Variants in CTNNA3 observed in about 807,000 individuals in gnomAD.
CTNNA3 encodes catenin alpha 3, also known as catenin alpha-3.
Under a neutral mutation model 95.7 loss-of-function variants are expected in CTNNA3, and 76 were observed. That is an observed-to-expected ratio of 0.79 (90% CI 0.66 to 0.96). CTNNA3 has a LOEUF of 0.96. CTNNA3 is among the 40% of genes least tolerant of loss of function. CTNNA3 has a pLI of 0.00. For synonymous variants in CTNNA3, 431 were observed against 374.4 expected, an observed-to-expected ratio of 1.15 and a Z score of -1.74; for missense variants, 1,191 against 1,089.8, an observed-to-expected ratio of 1.09 and a Z score of -1.31.
chr10:67,314,973 TG>T (rs1202472932), intron 5 of CTNNA3, among the ~76,000 whole-genome samples: 1 of 152,204 alleles, frequency 6.6e-6, no homozygotes, highest in Non-Finnish European at 1.5e-5. Context: ...CTGGTCACTT[TG>T]TCCTTGAGAT....
chr10:66,926,811 G>A, intron 7 of CTNNA3: 1 of 1,028,848 alleles, frequency 9.7e-7, no homozygotes, highest in East Asian at 2.6e-5. Flanking sequence ...GATGTTAAGT[G>A]TTATTTAGAT....
chr10:66,904,164 C>T lies in CTNNA3; in HGVS notation c.1048-128640G>A, dbSNP rs143801966. 1.1e-4 allele frequency among the ~76,000 whole-genome samples: 16 copies of T among 152,144 alleles called. No homozygotes were observed. The East Asian group carries it at 3.1e-3, about 29-fold the overall frequency. On this transcript the variant is annotated intron_variant, in intron 7 of 17. Transcript: ENST00000433211. The stretch of plus-strand genomic sequence containing the variant: ...AACCAAAACAGCATGGTACTGGTAC[C>T]AAAACAGATATATAGACCAATGGAA...
chr10:66,736,932 A>T (rs540047185), intron 9 of CTNNA3, among the ~76,000 whole-genome samples: 1 of 152,274 alleles, frequency 6.6e-6, no homozygotes, highest in Admixed American at 6.5e-5. Flanking sequence ...AATGTTTTAA[A>T]CTTAATCTGA....
intron 1 of CTNNA3, among the ~76,000 whole-genome samples, chr10:67,736,109 C>T (rs900748961): frequency 6.6e-6 from 1 of 151,868 alleles, no homozygotes; most frequent in East Asian, 1.9e-4. Flanking sequence ...TATTATTTAG[C>T]CAAAAAAAGA....
intron 12 of CTNNA3, among the ~76,000 whole-genome samples, chr10:66,314,775 A>T (rs1297901578): frequency 5.3e-5 from 8 of 152,144 alleles, no homozygotes. Context: ...ATTGAACACA[A>T]TACTTATAAA....
At chr10:67,506,789 T>C (rs952408170) in intron 5 of CTNNA3, among the ~76,000 whole-genome samples, 42 of 152,180 alleles carry the variant, frequency 2.8e-4, no homozygotes, top group African/African-American at 9.4e-4. Flanking sequence ...AAAAATTTAA[T>C]ATGAGTGTAT....
intron 13 of CTNNA3, among the ~76,000 whole-genome samples, chr10:66,199,463 C>CAAA (rs34304963): frequency 7.0e-6 from 1 of 143,218 alleles, no homozygotes; most frequent in African/African-American, 2.6e-5. Flanking sequence ...TTTTAACAAG[C>CAAA]AAAAAAAAAA....
In CTNNA3 at chr10:66,064,323, GA is replaced by G. The variant is rs201480294; in HGVS notation, c.2159+4984del. On this transcript the variant is annotated intron_variant, in intron 15 of 17. Coordinates refer to ENST00000433211, the MANE Select transcript of CTNNA3 (RefSeq NM_013266.4). The stretch of plus-strand genomic sequence containing the variant: ...GGGAATTATGAGGATGATAATTCAA[GA>G]TAAGATCCGGATGGGGACACAAAGC... Among the ~76,000 whole-genome samples, 136 of 152,254 alleles carry G rather than the reference GA, an allele frequency of 8.9e-4. 1 individual carries two copies. The East Asian group carries it at 0.016, about 18-fold the overall frequency.
At chr10:66,676,173 G>C (rs1367629539) in intron 9 of CTNNA3, among the ~76,000 whole-genome samples, 4 of 111,992 alleles carry the variant, frequency 3.6e-5, no homozygotes, top group African/African-American at 9.9e-5. Flanking sequence ...AATGGACTGG[G>C]GGAAAAAGAA....
intron 3 of CTNNA3, among the ~76,000 whole-genome samples, chr10:67,571,975 G>A (rs375316735): frequency 1.2e-4 from 18 of 152,254 alleles, no homozygotes; most frequent in East Asian, 1.2e-3. Context: ...TACAGATCAA[G>A]TATTTCTGAT....
chr10:66,071,871 T>C lies in CTNNA3; in HGVS notation c.1978-2382A>G, dbSNP rs2080441655. Among the ~76,000 whole-genome samples, 6 of 152,188 alleles carry C rather than the reference T, an allele frequency of 3.9e-5. No homozygotes were observed. The South Asian group carries it at 1.2e-3, about 31-fold the overall frequency. ...GAATCTCAGAACTCTATTTATAATA[T>C]TATCCATTATTTTTCAATGAAAAGC... is the stretch of plus-strand genomic sequence containing the variant. On this transcript the variant is annotated intron_variant, in intron 14 of 17. Transcript: ENST00000433211.
chr10:66,857,670 C>T (rs1363837186), intron 7 of CTNNA3, among the ~76,000 whole-genome samples: 1 of 151,562 alleles, frequency 6.6e-6, no homozygotes, highest in African/African-American at 2.4e-5. Flanking sequence ...TTTGTGGCTA[C>T]TAATTCAAAA....
intron 9 of CTNNA3, among the ~76,000 whole-genome samples, chr10:66,679,292 G>T (rs1432029336): frequency 6.6e-6 from 1 of 152,194 alleles, no homozygotes; most frequent in Non-Finnish European, 1.5e-5. Context: ...AATGAATGAT[G>T]AATGATTTTG....
chr10:67,485,756 T>C (rs1848422370), intron 5 of CTNNA3, among the ~76,000 whole-genome samples: 1 of 152,184 alleles, frequency 6.6e-6, no homozygotes, highest in Non-Finnish European at 1.5e-5. Context: ...AGACAGAGGC[T>C]AACGGCATAC....
intron 13 of CTNNA3, among the ~76,000 whole-genome samples, chr10:66,222,175 T>C (rs10822755): frequency 0.45 from 67,911 of 151,950 alleles, 16,221 homozygotes; most frequent in Middle Eastern, 0.58. Flanking sequence ...TTCTGTTAAC[T>C]CTCTTAGTCT....
intron 12 of CTNNA3, among the ~76,000 whole-genome samples, chr10:66,370,980 T>A (rs1354502231): frequency 6.6e-6 from 1 of 152,050 alleles, no homozygotes; most frequent in Non-Finnish European, 1.5e-5. Flanking sequence ...ACCTCAGCCT[T>A]CCAAAGTGCT....
At chr10:67,500,865 C>T (rs557142059) in intron 5 of CTNNA3, among the ~76,000 whole-genome samples, 2 of 152,120 alleles carry the variant, frequency 1.3e-5, no homozygotes, top group Non-Finnish European at 2.9e-5. Context: ...TGCCTCTGCA[C>T]GTGAGATGGG....
intron 10 of CTNNA3, among the ~76,000 whole-genome samples, chr10:66,537,878 G>C (rs1459881320): frequency 1.3e-5 from 2 of 151,808 alleles, no homozygotes; most frequent in Non-Finnish European, 2.9e-5. Flanking sequence ...GAAAAAAAAA[G>C]ATCTCCATAG....
chr10:66,665,794 C>A (rs949246429), intron 9 of CTNNA3, among the ~76,000 whole-genome samples: 1 of 152,104 alleles, frequency 6.6e-6, no homozygotes, highest in Non-Finnish European at 1.5e-5. Context: ...TCATAAAACA[C>A]CTCTTTTGTT....
Sources: gnomAD v4.1 joint callset for allele counts (sites outside exome capture counted in the v4.1 genomes callset) on GRCh38, gnomAD v4.1.1 for gene constraint, MANE v1.5 for transcripts, NCBI Gene and HGNC (gene_info 2026-07-23, HGNC 2026-07-21) for gene names.